The following XKR4 variants were observed in gnomAD, a reference collection of about 807,000 sequenced individuals.
XKR4 encodes XK-related protein 4.
In XKR4, 12 loss-of-function variants were observed where a neutral mutation model predicts 53.9. The observed-to-expected ratio is 0.22, with a 90% confidence interval of 0.14 to 0.36. The LOEUF is 0.36. XKR4 is among the 10% of genes least tolerant of loss of function. The probability of loss-of-function intolerance (pLI) is 1.00; values close to 1 mark genes in which losing one functional copy is unlikely to be tolerated. For missense variants in XKR4, 799 were observed against 859.5 expected, an observed-to-expected ratio of 0.93 and a Z score of 0.88; for synonymous variants, 354 against 362.4, an observed-to-expected ratio of 0.98 and a Z score of 0.26.
At chr8:55,173,544 C>A (rs940499930) in intron 1 of XKR4, among the ~76,000 whole-genome samples, 1 of 152,218 alleles carries the variant, frequency 6.6e-6, no homozygotes, top group African/African-American at 2.4e-5. Flanking sequence ...CTTCCTCCAA[C>A]ACCTTTTCTG....
rs557642185 is a variant in XKR4 at position 55,492,896 on chromosome 8, T to C, written c.1007-30385T>C. ...GCAGCCATAACATCTGAGGTCACTCTCTCAGCACCAGGGGCCTTGTGAATC... is the reference window on the plus strand; with the variant it reads ...GCAGCCATAACATCTGAGGTCACTCCCTCAGCACCAGGGGCCTTGTGAATC... On this transcript the variant is annotated intron_variant, in intron 2 of 2. Transcript: ENST00000327381. Among the ~76,000 whole-genome samples the C allele has an allele frequency of 2.0e-5, 3 of 152,350 alleles. No individual in the cohort carries two copies. In the South Asian group the frequency reaches 6.2e-4, roughly 32 times the overall value.
chr8:55,259,657 G>A (rs79812952), intron 1 of XKR4, among the ~76,000 whole-genome samples: 205 of 152,218 alleles, frequency 1.3e-3, no homozygotes, highest in African/African-American at 4.7e-3. Context: ...CATCTCTCCC[G>A]AGGCTCTTGC....
chr8:55,422,485 G>A (rs1348892047), intron 2 of XKR4, among the ~76,000 whole-genome samples: 1 of 152,188 alleles, frequency 6.6e-6, no homozygotes, highest in African/African-American at 2.4e-5. Context: ...GATGAATATT[G>A]CAACATGTAC....
intron 1 of XKR4, among the ~76,000 whole-genome samples, chr8:55,234,162 A>G (rs1441979316): frequency 6.6e-6 from 1 of 152,204 alleles, no homozygotes; most frequent in Non-Finnish European, 1.5e-5. Flanking sequence ...TTTCAATTTC[A>G]CACTGCTGTA....
At chr8:55,352,844 T>C (rs1275899527) in intron 1 of XKR4, among the ~76,000 whole-genome samples, 1 of 152,048 alleles carries the variant, frequency 6.6e-6, no homozygotes, top group South Asian at 2.1e-4. Context: ...AGAAATATAT[T>C]AAAGAGATAA....
chr8:55,156,149 G>A (rs192394383), intron 1 of XKR4, among the ~76,000 whole-genome samples: 1 of 152,190 alleles, frequency 6.6e-6, no homozygotes, highest in Non-Finnish European at 1.5e-5. Flanking sequence ...GTGACTGTGG[G>A]AGAGGAGCTT....
At chr8:55,523,057 G>T (rs1370906796) in intron 2 of XKR4, among the ~76,000 whole-genome samples, 2 of 151,900 alleles carry the variant, frequency 1.3e-5, no homozygotes, top group African/African-American at 4.8e-5. Flanking sequence ...CAGGAGAATG[G>T]CGTGAACCCA....
intron 2 of XKR4, among the ~76,000 whole-genome samples, chr8:55,379,799 G>C (rs1347989933): frequency 6.6e-6 from 1 of 152,192 alleles, no homozygotes; most frequent in African/African-American, 2.4e-5. Flanking sequence ...TGGGTCCTGG[G>C]GCAGAGGCCC....
At chr8:55,412,504 C>A (rs1042537621) in intron 2 of XKR4, among the ~76,000 whole-genome samples, 5 of 152,140 alleles carry the variant, frequency 3.3e-5, no homozygotes, top group African/African-American at 9.7e-5. Flanking sequence ...TTCCCTTATT[C>A]CCAACATTTG....
chr8:55,387,144 T>G (rs1268592559), intron 2 of XKR4, among the ~76,000 whole-genome samples: 2 of 152,206 alleles, frequency 1.3e-5, no homozygotes, highest in African/African-American at 4.8e-5. Context: ...GCTGTACTGT[T>G]TTTGACAACA....
At chr8:55,175,606 A>T (rs1036154842) in intron 1 of XKR4, among the ~76,000 whole-genome samples, 4 of 152,232 alleles carry the variant, frequency 2.6e-5, no homozygotes, top group African/African-American at 7.2e-5. Flanking sequence ...AAAGAATTGC[A>T]TCCATTCAGA....
intron 1 of XKR4, among the ~76,000 whole-genome samples, chr8:55,265,418 G>GA (rs1465082136): frequency 6.6e-6 from 1 of 152,232 alleles, no homozygotes; most frequent in African/African-American, 2.4e-5. Flanking sequence ...AGGCTGGCCT[G>GA]AAAACGAACC....
At chr8:55,516,587 C>A (rs180915034) in intron 2 of XKR4, among the ~76,000 whole-genome samples, 1 of 152,028 alleles carries the variant, frequency 6.6e-6, no homozygotes, top group South Asian at 2.1e-4. Context: ...TACTGTATGG[C>A]AAATGTACTC....
chr8:55,103,176 G>A lies in XKR4; in HGVS notation c.688G>A (p.Gly230Ser), dbSNP rs1816081303. ...GAGCAACATCGCCGCGGCCAACAGC[G>A]GCAGCAACAGCAGCGGGGCTACCCG... ...SKSNIAAANS[G>S]SNSSGATRAS... The change falls in exon 1 of 3, where the codon GGC becomes AGC. Residue 230 changes from glycine (G) to serine (S), a missense_variant. Coordinates refer to ENST00000327381, the MANE Select transcript of XKR4 (RefSeq NM_052898.2). The A allele has an allele frequency of 6.2e-7, 1 of 1,614,026 alleles. No individual in the cohort carries two copies. Among genetic ancestry groups the A allele is most frequent in the South Asian group, 1.1e-5 (1 of 91,072 alleles).
chr8:55,494,148 T>G (rs1229016407), intron 2 of XKR4, among the ~76,000 whole-genome samples: 1 of 152,224 alleles, frequency 6.6e-6, no homozygotes, highest in Non-Finnish European at 1.5e-5. Context: ...GCATGCTAGC[T>G]GCTGCTGCAG....
At chr8:55,417,490 G>A (rs1793166165) in intron 2 of XKR4, among the ~76,000 whole-genome samples, 1 of 152,130 alleles carries the variant, frequency 6.6e-6, no homozygotes, top group South Asian at 2.1e-4. Context: ...TGGATAGAAT[G>A]CAGATCCACA....
In XKR4 at chr8:55,453,795, C is replaced by T. The variant is rs1805500305; in HGVS notation, c.1007-69486C>T. On this transcript the variant is annotated intron_variant, in intron 2 of 2. Coordinates refer to ENST00000327381, the MANE Select transcript of XKR4 (RefSeq NM_052898.2). ...ACCAGTTCTTGGATGTGATGCAGGA[C>T]TCATTGGGGGTGGTTCTCATCCACC... is the stretch of plus-strand genomic sequence containing the variant. The T allele has an allele frequency of 4.6e-6, 2 of 437,540 alleles. 1 individual carries two copies. The highest frequency in any genetic ancestry group is 8.8e-6 in the Non-Finnish European group (2 of 227,906). 27.1% of individuals were successfully genotyped at this position (437,540 alleles called of 1,614,324 possible).
At chr8:55,513,487 C>T (rs1401305834) in intron 2 of XKR4, among the ~76,000 whole-genome samples, 1 of 152,180 alleles carries the variant, frequency 6.6e-6, no homozygotes, top group Non-Finnish European at 1.5e-5. Context: ...CCCAGAGGAC[C>T]AGCCTGAACC....
intron 1 of XKR4, among the ~76,000 whole-genome samples, chr8:55,268,578 T>C (rs1180112357): frequency 1.3e-5 from 2 of 152,150 alleles, no homozygotes; most frequent in Non-Finnish European, 2.9e-5. Flanking sequence ...CCCTATTTTA[T>C]AGGTAATAAA....
Sources: allele counts gnomAD v4.1 joint callset (sites outside exome capture counted in the v4.1 genomes callset), GRCh38; gene constraint gnomAD v4.1.1; transcripts MANE v1.5; gene names NCBI Gene and HGNC (gene_info 2026-07-23, HGNC 2026-07-21).